The following STOX1 variants were observed in gnomAD, a reference collection of about 807,000 sequenced individuals.
STOX1 encodes the protein storkhead-box protein 1.
STOX1 carries 57 observed loss-of-function variants against 74.8 expected under a neutral mutation model. The observed-to-expected ratio is 0.76, with a 90% CI of 0.62 to 0.95. The LOEUF is 0.95. Ranked by LOEUF, STOX1 falls within the 40% of genes least tolerant of loss-of-function variation. STOX1 has a pLI of 0.00. For synonymous variants in STOX1, 375 were observed against 401.3 expected, an observed-to-expected ratio of 0.93 and a Z score of 0.78; for missense variants, 1,010 against 1,117.0, an observed-to-expected ratio of 0.90 and a Z score of 1.37.
At chr10:68,831,422 G>A (rs1839407973) in intron 1 of STOX1, among the ~76,000 whole-genome samples, 1 of 152,104 alleles carries the variant, frequency 6.6e-6, no homozygotes, top group Non-Finnish European at 1.5e-5. Context: ...CCTGACTCAG[G>A]TGATCCGCCC....
intron 1 of STOX1, among the ~76,000 whole-genome samples, chr10:68,873,417 C>A (rs1840586599): frequency 1.3e-5 from 2 of 151,278 alleles, no homozygotes; most frequent in Non-Finnish European, 3.0e-5. Flanking sequence ...GCCGCCACCA[C>A]GCCCAGCTAA....
intron 1 of STOX1, among the ~76,000 whole-genome samples, chr10:68,843,558 G>T (rs1048897687): frequency 8.6e-5 from 13 of 151,772 alleles, no homozygotes; most frequent in Non-Finnish European, 7.4e-5. Flanking sequence ...TGTTGTTGTT[G>T]TGATGGAATT....
chr10:68,828,248 G>T (rs1326336974), intron 1 of STOX1: 7 of 1,111,676 alleles, frequency 6.3e-6, no homozygotes, highest in Non-Finnish European at 7.8e-6. Flanking sequence ...GCCGCCGCGC[G>T]GCTTCCGCAT....
At chr10:68,875,084 C>T (rs994997111) in intron 1 of STOX1, among the ~76,000 whole-genome samples, 2 of 152,186 alleles carry the variant, frequency 1.3e-5, no homozygotes, top group Non-Finnish European at 2.9e-5. Flanking sequence ...TTTTTAGTTA[C>T]CTTCAAGATG....
Position 68,884,553 on chromosome 10 carries a change from C to G in STOX1, c.757C>G (p.Gln253Glu). ...CCAGTGTTTCCGGGACATGCACACTCAGGATGTTCAGGAAGCACCAGTTGC... is the reference window on the plus strand; with the variant it reads ...CCAGTGTTTCCGGGACATGCACACTGAGGATGTTCAGGAAGCACCAGTTGC... Reference protein sequence around the residue: ...SCQCFRDMHTQDVQEAPVAAE... With the variant: ...SCQCFRDMHTEDVQEAPVAAE... Residue 253 changes from glutamine to glutamate, a missense_variant, in exon 3 of 4, where the codon CAG becomes GAG. Physicochemically the swap from Gln to Glu is conservative, Grantham distance 29 (BLOSUM62 2). Transcript: ENST00000298596. 1 of 1,613,788 alleles carries G rather than the reference C, an allele frequency of 6.2e-7. No individual in the cohort carries two copies. Among genetic ancestry groups the G allele is most frequent in the Non-Finnish European group, 8.5e-7 (1 of 1,180,040 alleles).
At chr10:68,865,213 A>G (rs1471172552) in intron 1 of STOX1, among the ~76,000 whole-genome samples, 1 of 152,252 alleles carries the variant, frequency 6.6e-6, no homozygotes, top group Non-Finnish European at 1.5e-5. Flanking sequence ...ACTGTTTAAC[A>G]TGCCTTGTGG....
At chr10:68,842,412 A>G (rs961195067) in intron 1 of STOX1, among the ~76,000 whole-genome samples, 3 of 152,078 alleles carry the variant, frequency 2.0e-5, no homozygotes, top group African/African-American at 7.2e-5. Flanking sequence ...ATCATTTGCG[A>G]TGTTAAGCTT....
chr10:68,852,117 G>T lies in STOX1; in HGVS notation c.310+24184G>T, dbSNP rs138145881. On this transcript the variant is annotated intron_variant, in intron 1 of 3. Coordinates refer to ENST00000298596, the MANE Select transcript of STOX1 (RefSeq NM_152709.5). The stretch of plus-strand genomic sequence containing the variant: ...CCACCGCACTCCAGCCTGGGCGACA[G>T]AGTGAGACTCCCTCTCAAAAATAAA... Among the ~76,000 whole-genome samples, 1,413 of 152,088 alleles carry T rather than the reference G, an allele frequency of 9.3e-3. 23 individuals carry two copies. The highest frequency in any genetic ancestry group is 0.032 in the African/African-American group (1,328 of 41,498).
intron 1 of STOX1, among the ~76,000 whole-genome samples, chr10:68,838,909 CAAA>C (rs36040611): frequency 8.7e-6 from 1 of 115,454 alleles, no homozygotes; most frequent in Non-Finnish European, 1.9e-5. Context: ...GACTCTGTCT[CAAA>C]AAAAAAAAAA....
chr10:68,879,858 G>A (rs2131988978), intron 1 of STOX1, among the ~76,000 whole-genome samples: 2 of 152,124 alleles, frequency 1.3e-5, no homozygotes, highest in Middle Eastern at 6.8e-3. Flanking sequence ...AATGCACAGG[G>A]CAGCCTCCCA....
At chr10:68,849,640 C>T (rs1309850133) in intron 1 of STOX1, among the ~76,000 whole-genome samples, 2 of 152,050 alleles carry the variant, frequency 1.3e-5, no homozygotes, top group Non-Finnish European at 2.9e-5. Context: ...GCCTTGTGCA[C>T]AAGGCCTCTC....
intron 1 of STOX1, among the ~76,000 whole-genome samples, chr10:68,879,313 T>G (rs940165226): frequency 2.6e-5 from 4 of 152,194 alleles, no homozygotes; most frequent in African/African-American, 9.7e-5. Context: ...TTCTATTTTC[T>G]TTCTAACTTG....
rs902439014 is a variant in STOX1, at chr10:68,864,271, C to T, written c.311-17687C>T. ...GTATAGGCCGTCCGAAAAACTTTAC[C>T]TTTTGATCCAGAATAAGAGGCTTTA... On this transcript the variant is annotated intron_variant, in intron 1 of 3. Transcript: ENST00000298596. Among the ~76,000 whole-genome samples the T allele has an allele frequency of 3.3e-5, 5 of 152,322 alleles. No homozygotes were observed. In the South Asian group the frequency reaches 1.0e-3, roughly 32 times the overall value.
In STOX1 at chr10:68,833,247, G is replaced by A. The variant is rs540584686; in HGVS notation, c.310+5314G>A. Reference sequence around the variant, plus strand: ...ACTATAGGCGCGTGCCAGCACGCCCGGCTAAGTTTTTTTGTAATTTTAGTA... The same window carrying A: ...ACTATAGGCGCGTGCCAGCACGCCCAGCTAAGTTTTTTTGTAATTTTAGTA... On this transcript the variant is annotated intron_variant, in intron 1 of 3. Transcript: ENST00000298596. Among the ~76,000 whole-genome samples the A allele has an allele frequency of 4.6e-5, 7 of 152,020 alleles. No homozygotes were observed. The South Asian group carries it at 6.2e-4, about 14-fold the overall frequency.
At chr10:68,858,740 G>A (rs1011098702) in intron 1 of STOX1, among the ~76,000 whole-genome samples, 1 of 152,024 alleles carries the variant, frequency 6.6e-6, no homozygotes, top group Non-Finnish European at 1.5e-5. Flanking sequence ...GGAAGCACCT[G>A]AGGGTGTAGA....
At chr10:68,879,056 G>A (rs1840746854) in intron 1 of STOX1, among the ~76,000 whole-genome samples, 1 of 152,132 alleles carries the variant, frequency 6.6e-6, no homozygotes, top group Non-Finnish European at 1.5e-5. Context: ...ATCCACGTTA[G>A]CAAGATCTAC....
At chr10:68,844,649 T>A (rs1315697857) in intron 1 of STOX1, among the ~76,000 whole-genome samples, 3 of 152,178 alleles carry the variant, frequency 2.0e-5, no homozygotes, top group Non-Finnish European at 4.4e-5. Context: ...ATGAAAAAAG[T>A]TTTTTTCCTT....
At chr10:68,874,204 G>A (rs554999664) in intron 1 of STOX1, among the ~76,000 whole-genome samples, 3 of 151,880 alleles carry the variant, frequency 2.0e-5, no homozygotes, top group Non-Finnish European at 2.9e-5. Context: ...ACATCTTAAC[G>A]TATGTCCCTG....
chr10:68,849,167 A>G (rs911674897), intron 1 of STOX1, among the ~76,000 whole-genome samples: 1 of 152,168 alleles, frequency 6.6e-6, no homozygotes, highest in Non-Finnish European at 1.5e-5. Flanking sequence ...TTAGGACTAC[A>G]TTCTTGTAGC....
Sources: allele counts gnomAD v4.1 joint callset (sites outside exome capture counted in the v4.1 genomes callset), GRCh38; gene constraint gnomAD v4.1.1; transcripts MANE v1.5; gene names NCBI Gene and HGNC (gene_info 2026-07-23, HGNC 2026-07-21).